ZBTB8OS: variants seen among roughly 807,000 people sequenced by gnomAD.
The protein encoded by ZBTB8OS is tRNA-splicing ligase-activating factor archease.
In ZBTB8OS, 16 loss-of-function variants were observed where a neutral mutation model predicts 29.3. That is an observed-to-expected ratio of 0.55 (90% CI 0.37 to 0.83). The LOEUF (loss-of-function observed/expected upper bound fraction) is 0.83, where lower values mean the gene tolerates loss of function less well. ZBTB8OS is among the 40% of genes least tolerant of loss of function. The pLI, the probability that ZBTB8OS is intolerant of heterozygous loss-of-function variation, is 0.00. For missense variants in ZBTB8OS, 160 were observed against 196.9 expected, an observed-to-expected ratio of 0.81 and a Z score of 1.12; for synonymous variants, 70 against 64.6, an observed-to-expected ratio of 1.08 and a Z score of -0.40.
intron 1 of ZBTB8OS, among the ~76,000 whole-genome samples, chr1:32,643,621 G>A (rs537139746): frequency 1.3e-3 from 204 of 151,136 alleles, no homozygotes; most frequent in African/African-American, 4.7e-3. Flanking sequence ...TCAGCCTCCC[G>A]AGTAGCTACG....
chr1:32,633,837 C>T, intron 3 of ZBTB8OS, 110 bp from the exon 4 acceptor site: 1 of 1,468,262 alleles, frequency 6.8e-7, no homozygotes. Context: ...AAAGAAAAGA[C>T]TCATCCTTAA....
At chr1:32,628,136 G>A (rs1645256340) in intron 5 of ZBTB8OS, among the ~76,000 whole-genome samples, 1 of 151,478 alleles carries the variant, frequency 6.6e-6, no homozygotes. Context: ...TCTGAGGTCG[G>A]CAGTTGAGGT....
intron 1 of ZBTB8OS, among the ~76,000 whole-genome samples, chr1:32,645,420 T>C (rs1403424294): frequency 6.6e-6 from 1 of 151,974 alleles, no homozygotes; most frequent in East Asian, 1.9e-4. Context: ...GAGAACAGCT[T>C]GAGCCTAGGA....
chr1:32,650,920 C>T, upstream of ZBTB8OS: 1 of 464,906 alleles, frequency 2.2e-6, no homozygotes, highest in Non-Finnish European at 3.8e-6. Flanking sequence ...TAATAGCCTT[C>T]AAGAAAATGG....
intron 1 of ZBTB8OS, among the ~76,000 whole-genome samples, chr1:32,644,496 G>A (rs1021091835): frequency 3.3e-5 from 5 of 151,326 alleles, no homozygotes; most frequent in African/African-American, 9.7e-5. Flanking sequence ...ATAGGTGTGA[G>A]CCACTGCTTC....
At chr1:32,634,291 ATCTC>A (rs1645793176) in intron 2 of ZBTB8OS, 1 of 349,294 alleles carries the variant, frequency 2.9e-6, no homozygotes, top group Admixed American at 4.4e-5. Context: ...CAGTAGTGCG[ATCTC>A]GGGTCACTGC....
At chr1:32,628,753 T>G (rs906577442) in intron 5 of ZBTB8OS, among the ~76,000 whole-genome samples, 1 of 151,950 alleles carries the variant, frequency 6.6e-6, no homozygotes, top group Non-Finnish European at 1.5e-5. Flanking sequence ...CTGGCCAACA[T>G]GGTGAGAACT....
At chr1:32,628,689 AATCCC>A (rs1645308778) in intron 5 of ZBTB8OS, among the ~76,000 whole-genome samples, 1 of 151,688 alleles carries the variant, frequency 6.6e-6, no homozygotes, top group Admixed American at 6.6e-5. Flanking sequence ...TCCCACCTGT[AATCCC>A]AGCACTTTGG....
chr1:32,638,201 G>A (rs1244215300), intron 1 of ZBTB8OS, among the ~76,000 whole-genome samples: 1 of 149,180 alleles, frequency 6.7e-6, no homozygotes, highest in Non-Finnish European at 1.5e-5. Context: ...ATAGGGCAGT[G>A]GTTCTCAAAT....
chr1:32,637,374 C>A (rs1018117389), intron 1 of ZBTB8OS, among the ~76,000 whole-genome samples: 1 of 151,286 alleles, frequency 6.6e-6, no homozygotes, highest in African/African-American at 2.4e-5. Context: ...CCAGCCTGGC[C>A]AGTATGATGA....
At chr1:32,624,134 T>C (rs75904097) in intron 6 of ZBTB8OS, among the ~76,000 whole-genome samples, 2,637 of 152,356 alleles carry the variant, frequency 0.017, 33 homozygotes, top group Middle Eastern at 0.024. Flanking sequence ...CATGCTGAAC[T>C]ATGAATCAAT....
intron 1 of ZBTB8OS, among the ~76,000 whole-genome samples, chr1:32,648,935 ATT>A (rs1647059521): frequency 7.6e-6 from 1 of 131,276 alleles, no homozygotes; most frequent in African/African-American, 2.9e-5. Flanking sequence ...AAGTGCTGGG[ATT>A]ACAGGCGTGA....
chr1:32,625,591 G>C (rs1437513942), intron 6 of ZBTB8OS, among the ~76,000 whole-genome samples: 1 of 152,000 alleles, frequency 6.6e-6, no homozygotes, highest in Non-Finnish European at 1.5e-5. Context: ...GGAGTACCAA[G>C]CTGGAATTGG....
chr1:32,641,635 C>G (rs1460503095), intron 1 of ZBTB8OS, among the ~76,000 whole-genome samples: 2 of 144,278 alleles, frequency 1.4e-5, no homozygotes, highest in South Asian at 4.8e-4. Flanking sequence ...TTATACAGGC[C>G]GGGCACGGTG....
At chr1:32,647,040 T>TGAA (rs1646893154) in intron 1 of ZBTB8OS, among the ~76,000 whole-genome samples, 1 of 4,042 alleles carries the variant, frequency 2.5e-4, no homozygotes, top group Non-Finnish European at 7.4e-4. Flanking sequence ...AGATACTGTC[T>TGAA]CAAAAAAAAA....
intron 1 of ZBTB8OS, among the ~76,000 whole-genome samples, chr1:32,649,094 A>AG (rs974784075): frequency 5.4e-5 from 8 of 148,036 alleles, no homozygotes; most frequent in Non-Finnish European, 1.0e-4. Flanking sequence ...CAGCCTCCCG[A>AG]GTAGCTGGGA....
chr1:32,635,367 G>A (rs973905691), intron 1 of ZBTB8OS, among the ~76,000 whole-genome samples: 1 of 151,744 alleles, frequency 6.6e-6, no homozygotes, highest in Non-Finnish European at 1.5e-5. Flanking sequence ...TGCCTCCAGG[G>A]TTCAAGTGAT....
chr1:32,625,698 A>T (rs192647403), intron 6 of ZBTB8OS, among the ~76,000 whole-genome samples: 31 of 152,334 alleles, frequency 2.0e-4, no homozygotes, highest in Non-Finnish European at 4.1e-4. Flanking sequence ...ACAGCAAGGC[A>T]CTGTCTCACA....
chr1:32,644,154 AG>A (rs1646652278), intron 1 of ZBTB8OS, among the ~76,000 whole-genome samples: 1 of 152,194 alleles, frequency 6.6e-6, no homozygotes, highest in Non-Finnish European at 1.5e-5. Flanking sequence ...TTCCAGGTGC[AG>A]GGGCTTTAAG....
Sources: allele counts gnomAD v4.1 joint callset (sites outside exome capture counted in the v4.1 genomes callset), GRCh38; gene constraint gnomAD v4.1.1; transcripts MANE v1.5; gene names NCBI Gene and HGNC (gene_info 2026-07-23, HGNC 2026-07-21).